MGME1: variants seen among roughly 807,000 people sequenced by gnomAD.
MGME1 encodes chromosome 20 open reading frame 72.
MGME1 carries 22 observed loss-of-function variants against 33.0 expected under a neutral mutation model. The ratio of observed to expected loss-of-function variants is 0.67; its 90% confidence interval spans 0.48 to 0.95. MGME1 has a LOEUF of 0.95. Among genes scored for constraint, MGME1 ranks in the 40% least tolerant of loss-of-function variants. The probability of loss-of-function intolerance (pLI) is 0.00; values close to 1 mark genes in which losing one functional copy is unlikely to be tolerated. For missense variants in MGME1, 383 were observed against 397.8 expected, an observed-to-expected ratio of 0.96 and a Z score of 0.32; for synonymous variants, 133 against 144.0, an observed-to-expected ratio of 0.92 and a Z score of 0.55.
chr20:17,975,382 C>A (rs2035832658), intron 2 of MGME1, among the ~76,000 whole-genome samples: 1 of 151,822 alleles, frequency 6.6e-6, no homozygotes, highest in Non-Finnish European at 1.5e-5. Flanking sequence ...TATGGTGAAA[C>A]CCCATCTCTA....
intron 3 of MGME1, among the ~76,000 whole-genome samples, chr20:17,981,377 G>A (rs1372857428): frequency 6.6e-6 from 1 of 152,142 alleles, no homozygotes; most frequent in Non-Finnish European, 1.5e-5. Context: ...GTCGCTCTCT[G>A]TCTCAATTTA....
At chr20:17,979,423 T>C (rs2035947602) in intron 3 of MGME1, among the ~76,000 whole-genome samples, 1 of 151,220 alleles carries the variant, frequency 6.6e-6, no homozygotes, top group South Asian at 2.1e-4. Context: ...TATTTATTTA[T>C]TTTTTTGAGA....
chr20:17,974,561 C>G (rs565193960), intron 2 of MGME1, among the ~76,000 whole-genome samples: 1 of 152,098 alleles, frequency 6.6e-6, no homozygotes, highest in African/African-American at 2.4e-5. Context: ...AATGAACATA[C>G]AGGAAAAATA....
chr20:17,972,689 A>C, intron 2 of MGME1: 1 of 985,388 alleles, frequency 1.0e-6, no homozygotes, highest in Non-Finnish European at 1.2e-6. Flanking sequence ...TTAGTGTCTA[A>C]AGGATCCTGT....
intron 3 of MGME1, among the ~76,000 whole-genome samples, chr20:17,983,660 C>A (rs1013731788): frequency 6.6e-6 from 1 of 152,086 alleles, no homozygotes; most frequent in Admixed American, 6.6e-5. Context: ...GTAATAATAG[C>A]CCAGTGTGAT....
In MGME1 at chr20:17,972,632, A is replaced by G. The variant is rs2035759055; in HGVS notation, c.511+2262A>G. ...TGCTACATGCAGTGAATATTCTTGG[A>G]TCATTTTTTATTTTTATAAATTGAA... On this transcript the variant is annotated intron_variant, in intron 2 of 4. Transcript: ENST00000377710. The G allele has an allele frequency of 1.0e-5, 10 of 976,934 alleles. No homozygotes were observed. In the South Asian group the frequency reaches 4.7e-4, roughly 46 times the overall value. The allele number at this position is 976,934 out of a possible 1,614,324, so 60.5% of individuals were successfully genotyped here. A position where few individuals can be genotyped will look rare whatever the true frequency, so the allele number is the denominator to read the frequency against.
At chr20:17,980,758 G>A (rs6111771) in intron 3 of MGME1, among the ~76,000 whole-genome samples, 42,179 of 150,208 alleles carry the variant, frequency 0.28, 6,121 homozygotes, top group East Asian at 0.43. Context: ...GCAGTGAGCT[G>A]AGATCACGCC....
chr20:17,977,712 A>G (rs2035904390), intron 3 of MGME1, among the ~76,000 whole-genome samples: 2 of 152,156 alleles, frequency 1.3e-5, no homozygotes, highest in Admixed American at 1.3e-4. Flanking sequence ...GTATCTGGAC[A>G]CTCCCAAGTC....
At chr20:17,976,600 G>C (rs1182975976) in intron 3 of MGME1, among the ~76,000 whole-genome samples, 2 of 152,214 alleles carry the variant, frequency 1.3e-5, no homozygotes, top group Non-Finnish European at 2.9e-5. Flanking sequence ...TCCAGGCAGT[G>C]CTTGACATGG....
chr20:17,973,027 A>G (rs2035768717), intron 2 of MGME1, among the ~76,000 whole-genome samples: 1 of 152,066 alleles, frequency 6.6e-6, no homozygotes, highest in Admixed American at 6.6e-5. Context: ...TTCAGAAGGG[A>G]TTCCATTTTT....
chr20:17,983,222 C>G (rs920436445), intron 3 of MGME1, among the ~76,000 whole-genome samples: 2 of 150,946 alleles, frequency 1.3e-5, no homozygotes, highest in Non-Finnish European at 2.9e-5. Flanking sequence ...ACCCATGTCA[C>G]AAATGACAGA....
In MGME1 at chr20:17,975,820, CAGTGG is replaced by C. The variant is rs1200567942; in HGVS notation, c.653_657del (p.Gly218AlafsTer4). On this transcript the variant is annotated frameshift_variant, in exon 3 of 5. Coordinates refer to ENST00000377710, the MANE Select transcript of MGME1 (RefSeq NM_052865.4). LOFTEE classifies it high-confidence loss of function. ...GTGTCCAGCATATTCTGAAAGATGT[CAGTGG>C]AGTGCGAGCTCTTGAAAGTGCTGTT... 5 of 1,614,166 alleles carry C rather than the reference CAGTGG, an allele frequency of 3.1e-6. No individual in the cohort carries two copies. Among genetic ancestry groups the C allele is most frequent in the Non-Finnish European group, 4.2e-6 (5 of 1,180,024 alleles).
At chr20:17,977,166 A>T (rs2035891195) in intron 3 of MGME1, among the ~76,000 whole-genome samples, 2 of 152,030 alleles carry the variant, frequency 1.3e-5, no homozygotes, top group South Asian at 4.1e-4. Flanking sequence ...ACCTGAGGTC[A>T]GGAGTTCAAG....
chr20:17,968,660 T>C, upstream of MGME1: 1 of 600,518 alleles, frequency 1.7e-6, no homozygotes, highest in Non-Finnish European at 3.0e-6. Flanking sequence ...CCCGCTGCCG[T>C]CCATCTTGGA....
At chr20:17,970,456 G>A (rs1250091944) in intron 2 of MGME1, 86 bp downstream of exon 2, 2 of 1,431,432 alleles carry the variant, frequency 1.4e-6, no homozygotes, top group South Asian at 1.4e-5. Flanking sequence ...GTTTGGTTTT[G>A]TTTTTTTAAC....
rs1291009276 is a variant in MGME1, at chr20:17,988,292, C to G, written c.858C>G (p.Ser286Arg). 8 of 1,613,654 alleles carry G rather than the reference C, an allele frequency of 5.0e-6. No individual in the cohort carries two copies. Among genetic ancestry groups the G allele is most frequent in the Middle Eastern group, 1.7e-4 (1 of 6,058 alleles). ...CCATGAACCATGATACCAACTACAG[C>G]TTTCAGGTCAGGACACTGAGCCTTT... Reference protein sequence around the residue: ...MGAMNHDTNYSFQVQCGLIVV... With the variant: ...MGAMNHDTNYRFQVQCGLIVV... Residue 286 changes from serine (S) to arginine (R), a missense_variant, in exon 4 of 5, where the codon AGC becomes AGG. Coordinates refer to ENST00000377710, the MANE Select transcript of MGME1 (RefSeq NM_052865.4).
In MGME1 at chr20:17,969,943, C is replaced by A; in HGVS notation, c.84C>A (p.Phe28Leu). The A allele has an allele frequency of 1.2e-6, 2 of 1,614,202 alleles. No individual in the cohort carries two copies. Among genetic ancestry groups the A allele is most frequent in the Non-Finnish European group, 1.7e-6 (2 of 1,180,022 alleles). The change falls in exon 2 of 5, where the codon TTC becomes TTA. Residue 28 changes from phenylalanine to leucine, a missense_variant. Physicochemically the swap from Phe to Leu is conservative, Grantham distance 22. Coordinates refer to ENST00000377710, the MANE Select transcript of MGME1 (RefSeq NM_052865.4). ...FSVESAALVA[F>L]STSSYSCGRK... ...TGGAATCAGCTGCCCTTGTGGCTTTCTCTACTTCCTCTTACTCATGTGGCC... is the reference window on the plus strand; with the variant it reads ...TGGAATCAGCTGCCCTTGTGGCTTTATCTACTTCCTCTTACTCATGTGGCC...
intron 2 of MGME1, among the ~76,000 whole-genome samples, chr20:17,971,406 C>T (rs1040106076): frequency 1.3e-5 from 2 of 152,226 alleles, no homozygotes; most frequent in African/African-American, 4.8e-5. Context: ...CTATTGTCTG[C>T]TTTCCAAGCA....
intron 2 of MGME1, among the ~76,000 whole-genome samples, chr20:17,973,274 G>A (rs1191150586): frequency 6.6e-6 from 1 of 151,598 alleles, no homozygotes. Context: ...AACCTGGGAG[G>A]TGGAGATTGC....
Sources: gnomAD v4.1 joint callset for allele counts (sites outside exome capture counted in the v4.1 genomes callset) on GRCh38, gnomAD v4.1.1 for gene constraint, MANE v1.5 for transcripts, NCBI Gene and HGNC (gene_info 2026-07-23, HGNC 2026-07-21) for gene names.